The following UBR7 variants were observed in gnomAD, a reference collection of about 807,000 sequenced individuals.
The protein encoded by UBR7 is putative E3 ubiquitin-protein ligase UBR7.
Under a neutral mutation model 57.0 loss-of-function variants are expected in UBR7, and 22 were observed. That is an observed-to-expected ratio of 0.39 (90% CI 0.28 to 0.55). UBR7 has a LOEUF of 0.55. UBR7 is among the 20% of genes least tolerant of loss of function. The pLI, the probability that UBR7 is intolerant of heterozygous loss-of-function variation, is 0.69. For synonymous variants in UBR7, 167 were observed against 179.8 expected, an observed-to-expected ratio of 0.93 and a Z score of 0.57; for missense variants, 395 against 513.2, an observed-to-expected ratio of 0.77 and a Z score of 2.23.
intron 6 of UBR7, among the ~76,000 whole-genome samples, chr14:93,216,517 T>C (rs1894595540): frequency 6.6e-6 from 1 of 152,182 alleles, no homozygotes; most frequent in African/African-American, 2.4e-5. Context: ...GCCTTTCTCA[T>C]CTTTAGAGAC....
At position 93,219,209 on chromosome 14, in the gene UBR7, C is replaced by T; in HGVS notation, c.811-3C>T. 6.2e-7 allele frequency: 1 copy of T among 1,614,014 alleles called. No individual in the cohort carries two copies. Among genetic ancestry groups the T allele is most frequent in the Non-Finnish European group, 8.5e-7 (1 of 1,179,948 alleles). On this transcript the variant is annotated splice_polypyrimidine_tract_variant and splice_region_variant and intron_variant, in intron 7 of 10. Transcript: ENST00000013070. ...CATGCTTCAAAACTTAATTTTATTT[C>T]AGACAGTGTTTAAGAATGAAAGCCT...
At chr14:93,214,864 G>A in intron 4 of UBR7, 65 bp from the exon 5 acceptor site, 2 of 1,382,302 alleles carry the variant, frequency 1.4e-6, no homozygotes, top group Non-Finnish European at 2.1e-6. Context: ...ATTTTACTGT[G>A]TGCCAGGTTA....
At chr14:93,208,000 A>G (rs940048171) in intron 1 of UBR7, among the ~76,000 whole-genome samples, 16 of 151,802 alleles carry the variant, frequency 1.1e-4, no homozygotes, top group African/African-American at 3.9e-4. Flanking sequence ...ACCCATGTCT[A>G]TCTGCAGTCT....
chr14:93,209,557 T>C (rs543358532), intron 1 of UBR7, among the ~76,000 whole-genome samples: 1 of 152,128 alleles, frequency 6.6e-6, no homozygotes, highest in South Asian at 2.1e-4. Flanking sequence ...CTGGGCAACA[T>C]AGCAAGACCT....
In UBR7 at chr14:93,218,673, G is replaced by A. The variant is rs1566822794; in HGVS notation, c.748G>A (p.Glu250Lys). 6.2e-7 allele frequency: 1 copy of A among 1,614,130 alleles called. No individual in the cohort carries two copies. ...AGAACAGGGAAAGGATGATGTCCGGGAGGTTAAAGTAGAGCAGAACAGTGA... is the reference window on the plus strand; with the variant it reads ...AGAACAGGGAAAGGATGATGTCCGGAAGGTTAAAGTAGAGCAGAACAGTGA... ...VPEQGKDDVREVKVEQNSEPC... is the reference protein window; with the variant it reads ...VPEQGKDDVRKVKVEQNSEPC... The change falls in exon 7 of 11, where the codon GAG becomes AAG. Residue 250 changes from glutamate (E) to lysine (K), a missense_variant. Physicochemically the swap from Glu to Lys is moderately conservative, Grantham distance 56 (BLOSUM62 1). Transcript: ENST00000013070.
At chr14:93,226,704 A>G (rs1261454900) in intron 10 of UBR7, among the ~76,000 whole-genome samples, 2 of 151,618 alleles carry the variant, frequency 1.3e-5, no homozygotes, top group Admixed American at 1.3e-4. Flanking sequence ...GAGGCAGGAG[A>G]ATGGTGTTAA....
chr14:93,223,869 C>T lies in UBR7; in HGVS notation c.1185+1495C>T, dbSNP rs561633296. On this transcript the variant is annotated intron_variant, in intron 10 of 10. Transcript: ENST00000013070. ...CGGTATTCCCGGTACATGTTGGGGG[C>T]GCCGCTCCGGGAGTCATAGCTCAGC... is the stretch of plus-strand genomic sequence containing the variant. 8.8e-5 allele frequency: 65 copies of T among 741,986 alleles called. 2 individuals carry two copies. In the East Asian group the frequency reaches 9.0e-4, roughly 10 times the overall value. The allele number at this position is 741,986 out of a possible 1,614,324, so 46.0% of individuals were successfully genotyped here. A position where few individuals can be genotyped will look rare whatever the true frequency, so the allele number is the denominator to read the frequency against.
intron 10 of UBR7, among the ~76,000 whole-genome samples, chr14:93,224,614 T>C (rs528600087): frequency 8.4e-4 from 128 of 152,252 alleles, no homozygotes; most frequent in African/African-American, 2.9e-3. Context: ...CCTGACCTTG[T>C]GATCCGCCCA....
At chr14:93,214,483 T>C (rs1894552304) in intron 4 of UBR7, among the ~76,000 whole-genome samples, 2 of 152,080 alleles carry the variant, frequency 1.3e-5, no homozygotes, top group South Asian at 4.1e-4. Flanking sequence ...TCTATCGAGG[T>C]TTTTCATAAC....
Position 93,210,673 on chromosome 14 carries a change from A to G in UBR7, c.310A>G (p.Ser104Gly), listed in dbSNP as rs141328208. 4 of 1,609,436 alleles carry G rather than the reference A, an allele frequency of 2.5e-6. No homozygotes were observed. The African/African-American group carries it at 5.3e-5, about 21-fold the overall frequency. Residue 104 changes from serine (S) to glycine (G), a missense_variant, in exon 3 of 11, where the codon AGC becomes GGC. Coordinates refer to ENST00000013070, the MANE Select transcript of UBR7 (RefSeq NM_175748.4). ...AAATTTTCGTTGTGATTGTGGAAAC[A>G]GCAAGTTTAAAAATTTGGAATGCAA... is the stretch of plus-strand genomic sequence containing the variant. ...KRNFRCDCGN[S>G]KFKNLECKLL...
intron 10 of UBR7, among the ~76,000 whole-genome samples, chr14:93,225,620 G>A (rs1188967719): frequency 2.6e-5 from 4 of 152,162 alleles, no homozygotes; most frequent in Non-Finnish European, 2.9e-5. Context: ...GTGACAGAGC[G>A]AGACCCTGTC....
chr14:93,219,403 A>G (rs749615058), intron 8 of UBR7, 42 bp downstream of exon 8: 1 of 1,612,710 alleles, frequency 6.2e-7, no homozygotes. Flanking sequence ...TGTTTTGTGT[A>G]CTGGTGCCCC....
In UBR7 at chr14:93,217,700, A is replaced by G. The variant is rs1894618102; in HGVS notation, c.602-827A>G. ...ATTATTTGAATTCTTTGGGTTAGGC[A>G]GACATAACCTAAAGAAGCGTTGGAA... On this transcript the variant is annotated intron_variant, in intron 6 of 10. Transcript: ENST00000013070. Among the ~76,000 whole-genome samples, 4 of 152,246 alleles carry G rather than the reference A, an allele frequency of 2.6e-5. No individual in the cohort carries two copies. The South Asian group carries it at 8.3e-4, about 31-fold the overall frequency.
intron 8 of UBR7, among the ~76,000 whole-genome samples, chr14:93,219,891 C>G (rs1192949972): frequency 6.6e-6 from 1 of 152,006 alleles, no homozygotes; most frequent in East Asian, 1.9e-4. Flanking sequence ...AGGAGAATCG[C>G]TTGAACCCAG....
intron 8 of UBR7, 22 bp from the exon 9 acceptor site, chr14:93,220,227 T>C (rs752602034): frequency 5.2e-5 from 75 of 1,447,748 alleles, no homozygotes; most frequent in Non-Finnish European, 6.6e-5. Flanking sequence ...TCTTTCTTTT[T>C]TTTTTTTTTT....
chr14:93,211,959 A>G (rs540232446), intron 3 of UBR7, 73 bp from the exon 4 acceptor site: 2 of 1,224,006 alleles, frequency 1.6e-6, no homozygotes, highest in African/African-American at 3.0e-5. Flanking sequence ...TATTGAATGC[A>G]TAAATTTTAT....
rs777636482 is a variant in UBR7, at chr14:93,209,909, G to C, written c.236G>C (p.Ser79Thr). ...CCAGCAGGAATTTGTTTAGCTTGCA[G>C]TTATGAATGTCATGGAAGTCACAAA... ...EEPAGICLAC[S>T]YECHGSHKLF... Residue 79 changes from serine (S) to threonine (T), a missense_variant, in exon 2 of 11, where the codon AGT becomes ACT. Ser to Thr is a moderately conservative substitution (Grantham distance 58, BLOSUM62 1). Coordinates refer to ENST00000013070, the MANE Select transcript of UBR7 (RefSeq NM_175748.4). The C allele has an allele frequency of 3.2e-5, 51 of 1,613,920 alleles. No homozygotes were observed. The highest frequency in any genetic ancestry group is 4.2e-5 in the Non-Finnish European group (50 of 1,179,998).
chr14:93,221,935 A>G (rs1265997679), intron 9 of UBR7, among the ~76,000 whole-genome samples: 1 of 152,176 alleles, frequency 6.6e-6, no homozygotes, highest in Non-Finnish European at 1.5e-5. Flanking sequence ...TGGGTGACAG[A>G]GTGAGACTCC....
chr14:93,228,268 C>G lies in UBR7; in HGVS notation c.*1233C>G, dbSNP rs1375243195. On this transcript the variant is annotated 3_prime_UTR_variant, in exon 11 of 11. Coordinates refer to ENST00000013070, the MANE Select transcript of UBR7 (RefSeq NM_175748.4). ...AGTCCTTTCAGTTGATATGAGATCTCTTTAACACCCCTCAGTCTATGTAGG... is the reference window on the plus strand; with the variant it reads ...AGTCCTTTCAGTTGATATGAGATCTGTTTAACACCCCTCAGTCTATGTAGG... The G allele has an allele frequency of 8.6e-6, 4 of 464,178 alleles. No homozygotes were observed. The highest frequency in any genetic ancestry group is 2.3e-5 in the Admixed American group (1 of 42,818). The allele number at this position is 464,178 out of a possible 1,614,324, so 28.8% of individuals were successfully genotyped here.
Sources: gnomAD v4.1 joint callset for allele counts (sites outside exome capture counted in the v4.1 genomes callset) on GRCh38, gnomAD v4.1.1 for gene constraint, MANE v1.5 for transcripts, NCBI Gene and HGNC (gene_info 2026-07-23, HGNC 2026-07-21) for gene names.